GRIA4: variants seen among roughly 807,000 people sequenced by gnomAD.
The protein encoded by GRIA4 is glutamate receptor 4.
In GRIA4, 34 loss-of-function variants were observed where a neutral mutation model predicts 104.0. The observed-to-expected ratio is 0.33, with a 90% CI of 0.25 to 0.44. GRIA4 has a LOEUF of 0.44. Among genes scored for constraint, GRIA4 ranks in the 20% least tolerant of loss-of-function variants. GRIA4 has a pLI of 1.00. For missense variants in GRIA4, 750 were observed against 1,096.5 expected, an observed-to-expected ratio of 0.68 and a Z score of 4.46; for synonymous variants, 386 against 381.9, an observed-to-expected ratio of 1.01 and a Z score of -0.13.
chr11:105,643,020 AG>A (rs1304471519), intron 3 of GRIA4, among the ~76,000 whole-genome samples: 1 of 152,108 alleles, frequency 6.6e-6, no homozygotes, highest in East Asian at 1.9e-4. Context: ...GCTGAGCAAT[AG>A]GGGGAAAAGC....
intron 4 of GRIA4, among the ~76,000 whole-genome samples, chr11:105,805,636 C>T (rs1555013318): frequency 2.0e-5 from 3 of 151,798 alleles, no homozygotes. Context: ...TTCAAGAATG[C>T]AAAAAGGTTA....
intron 14 of GRIA4, among the ~76,000 whole-genome samples, chr11:105,939,604 G>A (rs1948134307): frequency 1.3e-5 from 2 of 152,090 alleles, no homozygotes; most frequent in African/African-American, 2.4e-5. Flanking sequence ...TGACCATGGT[G>A]GCAAAGCTAC....
chr11:105,613,269 T>A (rs1950524019), intron 3 of GRIA4: 1 of 152,228 alleles, frequency 6.6e-6, no homozygotes, highest in South Asian at 2.1e-4. Context: ...CTGTGCATGT[T>A]AGTTTAAAAC....
intron 3 of GRIA4, among the ~76,000 whole-genome samples, chr11:105,722,450 C>A (rs1937888225): frequency 6.6e-6 from 1 of 151,996 alleles, no homozygotes; most frequent in Admixed American, 6.6e-5. Context: ...GGAGACATAA[C>A]CCAATTGTAA....
In GRIA4 at chr11:105,801,251, A is replaced by T. The variant is rs534024495; in HGVS notation, c.487+48031A>T. ...AAATATTTAATATTTAAAATGATGAATCAATTTAAGTATGTGTGAAAAATA... is the reference window on the plus strand; with the variant it reads ...AAATATTTAATATTTAAAATGATGATTCAATTTAAGTATGTGTGAAAAATA... On this transcript the variant is annotated intron_variant, in intron 4 of 16. Coordinates refer to ENST00000282499, the MANE Select transcript of GRIA4 (RefSeq NM_000829.4). Among the ~76,000 whole-genome samples, 53 of 151,794 alleles carry T rather than the reference A, an allele frequency of 3.5e-4. No individual in the cohort carries two copies. The South Asian group carries it at 6.2e-3, about 18-fold the overall frequency.
At chr11:105,818,638 A>G (rs554664313) in intron 4 of GRIA4, among the ~76,000 whole-genome samples, 4 of 152,308 alleles carry the variant, frequency 2.6e-5, no homozygotes, top group South Asian at 2.1e-4. Flanking sequence ...GCCTGCCTAG[A>G]GCAATTACAT....
intron 4 of GRIA4, among the ~76,000 whole-genome samples, chr11:105,849,889 A>T (rs1360172664): frequency 1.3e-5 from 2 of 152,204 alleles, no homozygotes; most frequent in Non-Finnish European, 2.9e-5. Flanking sequence ...TATTAAAAGG[A>T]TTTGAACTAA....
chr11:105,751,295 G>A (rs906200092), intron 3 of GRIA4, among the ~76,000 whole-genome samples: 1 of 152,134 alleles, frequency 6.6e-6, no homozygotes, highest in Non-Finnish European at 1.5e-5. Flanking sequence ...GTAACTCCAG[G>A]TTCTAATGGT....
intron 4 of GRIA4, among the ~76,000 whole-genome samples, chr11:105,755,520 G>C (rs1309437753): frequency 6.6e-6 from 1 of 152,150 alleles, no homozygotes; most frequent in African/African-American, 2.4e-5. Context: ...TAAGCAACAT[G>C]ATTTCAGGCT....
chr11:105,719,939 T>C (rs1009675763), intron 3 of GRIA4, among the ~76,000 whole-genome samples: 2 of 152,056 alleles, frequency 1.3e-5, no homozygotes, highest in Non-Finnish European at 2.9e-5. Flanking sequence ...TGCCAATTGG[T>C]CTTTCACTCA....
At chr11:105,912,035 AC>A in intron 10 of GRIA4, 1 of 1,167,624 alleles carries the variant, frequency 8.6e-7, no homozygotes, top group Non-Finnish European at 1.1e-6. Context: ...ACTCTGGACT[AC>A]CAGAAAAAAA....
At chr11:105,688,156 C>CTCTATCTA (rs201251122) in intron 3 of GRIA4, among the ~76,000 whole-genome samples, 172 of 72,758 alleles carry the variant, frequency 2.4e-3, no homozygotes, top group Middle Eastern at 6.7e-3. Flanking sequence ...ATATCTATAT[C>CTCTATCTA]TCTATCTATC....
intron 3 of GRIA4, among the ~76,000 whole-genome samples, chr11:105,724,022 G>A (rs1470103657): frequency 4.6e-5 from 7 of 152,090 alleles, no homozygotes; most frequent in Middle Eastern, 6.8e-3. Context: ...ACAGATGTTG[G>A]GAAGGATGCA....
At chr11:105,832,430 G>T (rs1230342540) in intron 4 of GRIA4, among the ~76,000 whole-genome samples, 1 of 151,532 alleles carries the variant, frequency 6.6e-6, no homozygotes, top group African/African-American at 2.4e-5. Flanking sequence ...TTTAAATAAT[G>T]ATAAGTTTGC....
Position 105,617,252 on chromosome 11 carries a change from G to A in GRIA4, c.247+4818G>A, listed in dbSNP as rs372818964. Among the ~76,000 whole-genome samples the A allele has an allele frequency of 7.3e-5, 11 of 150,486 alleles. No individual in the cohort carries two copies. In the East Asian group the frequency reaches 1.9e-3, roughly 27 times the overall value. ...TTTTTAAAACTATATATGTGTGTGT[G>A]TATATATATTTATATATCTTTTCAT... On this transcript the variant is annotated intron_variant, in intron 3 of 16. Coordinates refer to ENST00000282499, the MANE Select transcript of GRIA4 (RefSeq NM_000829.4).
At chr11:105,797,962 T>C (rs1171665274) in intron 4 of GRIA4, 1 of 368,734 alleles carries the variant, frequency 2.7e-6, no homozygotes, top group Non-Finnish European at 5.5e-6. Flanking sequence ...CTCATCTATG[T>C]ATTCATTTAT....
intron 3 of GRIA4, among the ~76,000 whole-genome samples, chr11:105,713,041 TA>T (rs1482487866): frequency 6.2e-4 from 95 of 152,252 alleles, no homozygotes; most frequent in Middle Eastern, 3.4e-3. Context: ...AAAACTCTTC[TA>T]TTAAGTCATG....
intron 3 of GRIA4, among the ~76,000 whole-genome samples, chr11:105,702,482 G>T (rs956820849): frequency 6.6e-6 from 1 of 151,388 alleles, no homozygotes; most frequent in African/African-American, 2.4e-5. Flanking sequence ...AAAAACCAAA[G>T]AATAGGAAAT....
intron 4 of GRIA4, among the ~76,000 whole-genome samples, chr11:105,781,544 A>G (rs1457233524): frequency 1.3e-5 from 2 of 151,976 alleles, no homozygotes; most frequent in African/African-American, 4.8e-5. Flanking sequence ...GGTACATTTT[A>G]TTTTATATTT....
Sources: gnomAD v4.1 joint callset for allele counts (sites outside exome capture counted in the v4.1 genomes callset) on GRCh38, gnomAD v4.1.1 for gene constraint, MANE v1.5 for transcripts, NCBI Gene and HGNC (gene_info 2026-07-23, HGNC 2026-07-21) for gene names.